The following ZNF732 variants were observed in gnomAD, a reference collection of about 807,000 sequenced individuals.
ZNF732 encodes the protein zinc finger protein LOC654254.
Under a neutral mutation model 11.5 loss-of-function variants are expected in ZNF732, and 12 were observed. The observed-to-expected ratio is 1.05, with a 90% CI of 0.67 to 1.70. The LOEUF (loss-of-function observed/expected upper bound fraction) is 1.70, where lower values mean the gene tolerates loss of function less well. Among genes scored for constraint, ZNF732 ranks in the 40% most tolerant of loss-of-function variants. ZNF732 has a pLI of 0.00. For synonymous variants in ZNF732, 231 were observed against 236.5 expected (o/e 0.98, Z 0.21); for missense variants, 702 against 676.9 (o/e 1.04, Z -0.41).
chr4:294,591 A>T (rs1553841878), intron 3 of ZNF732, among the ~76,000 whole-genome samples: 1 of 152,218 alleles, frequency 6.6e-6, no homozygotes. Context: ...GTGAGTAAAC[A>T]CTTTAATCCA....
chr4:297,606 G>GT (rs1299739886), intron 1 of ZNF732, among the ~76,000 whole-genome samples: 87 of 41,006 alleles, frequency 2.1e-3, no homozygotes, highest in African/African-American at 7.2e-3. Context: ...TTTAAGATTT[G>GT]TAAAAAAAAA....
chr4:279,402 C>T lies in ZNF732; in HGVS notation c.227-6772G>A, dbSNP rs1443661376. On this transcript the variant is annotated intron_variant, in intron 3 of 3. Transcript: ENST00000419098. ...CAGAGCTTGCAGTGAGCCAATATCACGCCACTGCACTCCAGCGTGGGTGAC... is the reference window on the plus strand; with the variant it reads ...CAGAGCTTGCAGTGAGCCAATATCATGCCACTGCACTCCAGCGTGGGTGAC... 1.3e-4 allele frequency among the ~76,000 whole-genome samples: 19 copies of T among 151,228 alleles called. No homozygotes were observed. The East Asian group carries it at 3.1e-3, about 25-fold the overall frequency.
At chr4:275,564 A>C (rs1451437825) in intron 3 of ZNF732, among the ~76,000 whole-genome samples, 1 of 151,766 alleles carries the variant, frequency 6.6e-6, no homozygotes, top group Non-Finnish European at 1.5e-5. Context: ...AGATCAACTA[A>C]ATAAAATCTG....
intron 3 of ZNF732, among the ~76,000 whole-genome samples, chr4:293,965 T>C (rs1344804045): frequency 6.6e-6 from 1 of 152,194 alleles, no homozygotes; most frequent in African/African-American, 2.4e-5. Flanking sequence ...CAAACATAAC[T>C]CTTGTTTACG....
At chr4:293,974 C>T (rs1236076063) in intron 3 of ZNF732, among the ~76,000 whole-genome samples, 9 of 152,088 alleles carry the variant, frequency 5.9e-5, no homozygotes, top group South Asian at 4.1e-4. Context: ...CTCTTGTTTA[C>T]GTCAATTAAA....
At chr4:299,437 A>G (rs7655058) in intron 1 of ZNF732, among the ~76,000 whole-genome samples, 138 of 11,910 alleles carry the variant, frequency 0.012, 16 homozygotes, top group African/African-American at 0.044. Flanking sequence ...ACATATGTGT[A>G]TATATATATA....
Position 271,108 on chromosome 4 carries a change from C to A in ZNF732, c.1749G>T (p.Glu583Asp), listed in dbSNP as rs540931595. Residue 583 changes from glutamate (E) to aspartate (D), a missense_variant, in exon 4 of 4, where the codon GAG (glutamate) becomes GAT (aspartate). Coordinates refer to ENST00000419098, the MANE Select transcript of ZNF732 (RefSeq NM_001137608.3). ...LNQHNKIYTGEKL is the reference protein window; with the variant it reads ...LNQHNKIYTGDKL The stretch of plus-strand genomic sequence containing the variant: ...CACATTCTTCATATTTCTAGAGTTT[C>A]TCTCCAGTATAAATTTTATTATGTT... 4.6e-6 allele frequency: 7 copies of A among 1,508,960 alleles called. No individual in the cohort carries two copies. The East Asian group carries it at 9.7e-5, about 21-fold the overall frequency. 93.5% of individuals were successfully genotyped at this position (1,508,960 alleles called of 1,614,324 possible). A position where few individuals can be genotyped will look rare whatever the true frequency, so the allele number is the denominator to read the frequency against.
intron 3 of ZNF732, among the ~76,000 whole-genome samples, chr4:291,206 G>A (rs782042703): frequency 3.3e-5 from 5 of 152,168 alleles, no homozygotes; most frequent in Admixed American, 1.3e-4. Flanking sequence ...ACTCATTAAG[G>A]TATCAGGATA....
chr4:286,870 C>T (rs1180475098), intron 3 of ZNF732, among the ~76,000 whole-genome samples: 2 of 152,112 alleles, frequency 1.3e-5, no homozygotes, highest in Non-Finnish European at 2.9e-5. Flanking sequence ...AACTAGAAAT[C>T]GGCCAGGCTC....
intron 3 of ZNF732, among the ~76,000 whole-genome samples, chr4:294,628 G>A (rs1390478179): frequency 6.6e-6 from 1 of 151,944 alleles, no homozygotes; most frequent in African/African-American, 2.4e-5. Flanking sequence ...TGAATGAGAG[G>A]GCTTTTTTGC....
At chr4:302,471 C>A (rs1183877789) in intron 1 of ZNF732, among the ~76,000 whole-genome samples, 3 of 152,122 alleles carry the variant, frequency 2.0e-5, no homozygotes, top group South Asian at 4.1e-4. Flanking sequence ...ACCTAGTAAT[C>A]TGAGAACTCA....
intron 1 of ZNF732, among the ~76,000 whole-genome samples, chr4:303,710 G>A (rs1474340196): frequency 6.6e-6 from 1 of 152,212 alleles, no homozygotes; most frequent in African/African-American, 2.4e-5. Flanking sequence ...AGACCATTAA[G>A]CCGCGTCTAA....
chr4:299,115 TG>T (rs1720024073), intron 1 of ZNF732, among the ~76,000 whole-genome samples: 3 of 152,062 alleles, frequency 2.0e-5, no homozygotes, highest in Admixed American at 2.0e-4. Context: ...ATATTCTAGG[TG>T]GGATCAATGT....
At chr4:285,144 C>T (rs957650894) in intron 3 of ZNF732, among the ~76,000 whole-genome samples, 11 of 151,988 alleles carry the variant, frequency 7.2e-5, no homozygotes, top group African/African-American at 2.4e-4. Context: ...TGCAGGGTGA[C>T]CTGAGGCATA....
At chr4:299,405 A>ATATATACACACATATGTACACATATGTG (rs1560165089) in intron 1 of ZNF732, among the ~76,000 whole-genome samples, 1 of 5,608 alleles carries the variant, frequency 1.8e-4, no homozygotes, top group Non-Finnish European at 7.2e-4. Context: ...ACATATGTGT[A>ATATATACACACATATGTACACATATGTG]TATATATATA....
At chr4:297,068 G>C (rs1553842501) in intron 1 of ZNF732, among the ~76,000 whole-genome samples, 1 of 152,120 alleles carries the variant, frequency 6.6e-6, no homozygotes, top group Non-Finnish European at 1.5e-5. Flanking sequence ...AGGAGTTTGA[G>C]ACCACCCTGG....
In ZNF732 at chr4:272,625, A is replaced by T. The variant is rs559534779; in HGVS notation, c.232T>A (p.Cys78Ser). The T allele has an allele frequency of 2.6e-6, 4 of 1,511,038 alleles. No individual in the cohort carries two copies. Among genetic ancestry groups the T allele is most frequent in the Non-Finnish European group, 3.5e-6 (4 of 1,133,354 alleles). The allele number at this position is 1,511,038 out of a possible 1,614,324, so 93.6% of individuals were successfully genotyped here. The change falls in exon 4 of 4, where the codon TGT becomes AGT. Residue 78 changes from cysteine (C) to serine (S), a missense_variant. Cys to Ser is a moderately radical substitution (Grantham distance 112). Around this residue, in one of 3 missense-constraint regions of ZNF732, gnomAD observed 596 missense variants for 557.9 expected, o/e 1.07. Coordinates refer to ENST00000419098, the MANE Select transcript of ZNF732 (RefSeq NM_001137608.3). Reference sequence around the variant, plus strand: ...AAAAAGTCTTGGGTGAAATGAGAACACACAGCTGAAAGAAATAAAAATAAA... The same window carrying T: ...AAAAAGTCTTGGGTGAAATGAGAACTCACAGCTGAAAGAAATAAAAATAAA... Reference protein sequence around the residue: ...HETVAKHPAVCSHFTQDFLPV... With the variant: ...HETVAKHPAVSSHFTQDFLPV...
intron 3 of ZNF732, among the ~76,000 whole-genome samples, chr4:273,899 A>G (rs921651417): frequency 4.0e-5 from 6 of 151,772 alleles, no homozygotes; most frequent in Admixed American, 1.3e-4. Context: ...TGTGGGAATC[A>G]TATAACCAGC....
At chr4:296,882 A>G (rs181829182) in intron 1 of ZNF732, among the ~76,000 whole-genome samples, 14 of 152,282 alleles carry the variant, frequency 9.2e-5, no homozygotes, top group East Asian at 7.7e-4. Flanking sequence ...CAAGACCACA[A>G]ATCATCATCC....
Sources: allele counts gnomAD v4.1 joint callset (sites outside exome capture counted in the v4.1 genomes callset), GRCh38; gene constraint gnomAD v4.1.1; regional missense constraint gnomAD v4.1.1; transcripts MANE v1.5; gene names NCBI Gene and HGNC (gene_info 2026-07-23, HGNC 2026-07-21).